RNF103: variants seen among roughly 807,000 people sequenced by gnomAD.
RNF103 encodes the protein ring finger protein 103.
A neutral mutation model predicts 66.2 loss-of-function variants in RNF103; 23 were observed. That is an observed-to-expected ratio of 0.35 (90% CI 0.25 to 0.49). The LOEUF is 0.49. RNF103 is among the 20% of genes least tolerant of loss of function. RNF103 has a pLI of 0.98. For synonymous variants in RNF103, 297 were observed against 289.9 expected, an observed-to-expected ratio of 1.02 and a Z score of -0.25; for missense variants, 730 against 814.7, an observed-to-expected ratio of 0.90 and a Z score of 1.27.
chr2:86,603,866 A>C lies in RNF103; in HGVS notation c.2035T>G (p.Leu679Val). ...GGTTAAGATGGGACATCATTTGACA[A>C]GGGCTGGTGTTGTGCATATGGCTGC... ...KKQPYAQHQP[L>V]SNDVPS is the part of the protein sequence containing the mutation. Residue 679 changes from leucine to valine, a missense_variant, in exon 4 of 4, where the codon TTG becomes GTG. Transcript: ENST00000237455. The C allele has an allele frequency of 6.2e-7, 1 of 1,612,244 alleles. No individual in the cohort carries two copies. Among genetic ancestry groups the C allele is most frequent in the Non-Finnish European group, 8.5e-7 (1 of 1,179,420 alleles).
intron 3 of RNF103, among the ~76,000 whole-genome samples, chr2:86,610,574 C>T (rs58860972): frequency 0.12 from 17,628 of 152,092 alleles, 2,567 homozygotes; most frequent in African/African-American, 0.34. Flanking sequence ...TTAATTAATG[C>T]ATTCAACTTT....
intron 3 of RNF103, among the ~76,000 whole-genome samples, chr2:86,605,870 A>G (rs1678526480): frequency 6.6e-6 from 1 of 152,202 alleles, no homozygotes; most frequent in Non-Finnish European, 1.5e-5. Flanking sequence ...TAGGAATTGA[A>G]CTAGGTCTTG....
At chr2:86,613,854 C>T (rs1678902857) in intron 2 of RNF103, 1 of 152,156 alleles carries the variant, frequency 6.6e-6, no homozygotes, top group Admixed American at 6.5e-5. Flanking sequence ...CACGTGCATA[C>T]ATAACATCTT....
At chr2:86,617,027 G>A (rs1462115566) in intron 2 of RNF103, 89 of 985,228 alleles carry the variant, frequency 9.0e-5, no homozygotes, top group Non-Finnish European at 1.1e-4. Context: ...TATGAGCTTG[G>A]GTTAGGGACA....
rs1271029313 is a variant in RNF103 at position 86,623,744 on chromosome 2, G to A, written c.-858C>T. 2 of 1,272,948 alleles carry A rather than the reference G, an allele frequency of 1.6e-6. No homozygotes were observed. Among genetic ancestry groups the A allele is most frequent in the African/African-American group, 1.6e-5 (1 of 63,044 alleles). 78.9% of individuals were successfully genotyped at this position (1,272,948 alleles called of 1,614,324 possible). A position where few individuals can be genotyped will look rare whatever the true frequency, so the allele number is the denominator to read the frequency against. ...CTCCCGGCCACTCAGCGCCCGTCCC[G>A]CTCGGATGGGCAGTGCCGGTCGCAG... On this transcript the variant is annotated 5_prime_UTR_variant, in exon 1 of 4. Coordinates refer to ENST00000237455, the MANE Select transcript of RNF103 (RefSeq NM_005667.4).
At chr2:86,609,685 C>T (rs1678713079) in intron 3 of RNF103, among the ~76,000 whole-genome samples, 1 of 152,060 alleles carries the variant, frequency 6.6e-6, no homozygotes, top group African/African-American at 2.4e-5. Flanking sequence ...CACTCAGCCT[C>T]AGGTATTCTT....
At chr2:86,605,612 T>C (rs1678517744) in intron 3 of RNF103, among the ~76,000 whole-genome samples, 194 bp from the exon 4 acceptor site, 2 of 152,328 alleles carry the variant, frequency 1.3e-5, no homozygotes, top group South Asian at 2.1e-4. Context: ...GTTTCTTTTT[T>C]TTTTATTAAA....
Position 86,604,193 on chromosome 2 carries a change from G to A in RNF103, c.1708C>T (p.His570Tyr). The change falls in exon 4 of 4, where the codon CAC becomes TAC. Residue 570 changes from histidine to tyrosine, a missense_variant. Around this residue, in one of 3 missense-constraint regions of RNF103, gnomAD observed 355 missense variants for 351.9 expected, o/e 1.01. Transcript: ENST00000237455. ...VLHNSPGTASHCDAEACSCAN... is the reference protein window; with the variant it reads ...VLHNSPGTASYCDAEACSCAN... ...CATGAACAAGCCTCAGCATCACAGT[G>A]ACTTGCTGTTCCTGGAGAATTGTGA... 6.2e-7 allele frequency: 1 copy of A among 1,613,904 alleles called. No individual in the cohort carries two copies. The highest frequency in any genetic ancestry group is 1.1e-5 in the South Asian group (1 of 91,082).
chr2:86,612,404 T>A (rs1312010191), intron 2 of RNF103, 130 bp from the exon 3 acceptor site: 2 of 596,166 alleles, frequency 3.4e-6, no homozygotes, highest in Non-Finnish European at 3.0e-6. Flanking sequence ...TACTGTATCA[T>A]CACATTATCA....
At chr2:86,621,658 C>T (rs758396723) in intron 1 of RNF103, among the ~76,000 whole-genome samples, 7 of 151,882 alleles carry the variant, frequency 4.6e-5, no homozygotes, top group Non-Finnish European at 5.9e-5. Flanking sequence ...GTCTATCACG[C>T]TACATGTCTA....
rs373908022 is a variant in RNF103 at position 86,620,515 on chromosome 2, A to G, written c.227-46T>C. ...ACACTAATAAGGTTGCAAGAATCCTAGATTCCCAATTTCAGTAATTCTATT... is the reference window on the plus strand; with the variant it reads ...ACACTAATAAGGTTGCAAGAATCCTGGATTCCCAATTTCAGTAATTCTATT... On this transcript the variant is annotated intron_variant, in intron 1 of 3. Coordinates refer to ENST00000237455, the MANE Select transcript of RNF103 (RefSeq NM_005667.4). The G allele has an allele frequency of 3.8e-5, 56 of 1,476,486 alleles. 1 individual carries two copies. In the Middle Eastern group the frequency reaches 5.5e-4, roughly 14 times the overall value. 91.5% of individuals were successfully genotyped at this position (1,476,486 alleles called of 1,614,324 possible). A position where few individuals can be genotyped will look rare whatever the true frequency, so the allele number is the denominator to read the frequency against.
intron 3 of RNF103, among the ~76,000 whole-genome samples, chr2:86,606,412 C>A (rs1194973044): frequency 1.3e-5 from 2 of 151,982 alleles, no homozygotes; most frequent in Non-Finnish European, 2.9e-5. Flanking sequence ...CACCTGTAAT[C>A]CCAGCACTTT....
intron 3 of RNF103, among the ~76,000 whole-genome samples, chr2:86,605,860 T>C (rs1678526216): frequency 6.6e-6 from 1 of 152,196 alleles, no homozygotes; most frequent in South Asian, 2.1e-4. Flanking sequence ...ATGAATGGTT[T>C]AGGAATTGAA....
intron 2 of RNF103, chr2:86,615,074 A>C (rs1204049193): frequency 1.0e-6 from 1 of 985,282 alleles, no homozygotes; most frequent in African/African-American, 1.7e-5. Context: ...GAAAAGAAGG[A>C]GGAATGAGAG....
At chr2:86,612,036 T>G (rs1678815413) in intron 3 of RNF103, 123 bp downstream of exon 3, 2 of 567,808 alleles carry the variant, frequency 3.5e-6, no homozygotes, top group Non-Finnish European at 6.2e-6. Flanking sequence ...CCTATGTAAC[T>G]AAGAGTGTGC....
At chr2:86,620,602 A>G in intron 1 of RNF103, 133 bp from the exon 2 acceptor site, 1 of 1,226,154 alleles carries the variant, frequency 8.2e-7, no homozygotes, top group Non-Finnish European at 1.1e-6. Flanking sequence ...AAGAACTACT[A>G]GAAGAACCTG....
intron 3 of RNF103, among the ~76,000 whole-genome samples, chr2:86,611,179 C>CAAA (rs397978650): frequency 7.6e-6 from 1 of 131,470 alleles, no homozygotes; most frequent in African/African-American, 2.7e-5. Flanking sequence ...AATCCTGTCT[C>CAAA]AAAAAAAAAA....
Position 86,603,681 on chromosome 2 carries a change from C to T in RNF103, c.*162G>A, listed in dbSNP as rs764350924. On this transcript the variant is annotated 3_prime_UTR_variant, in exon 4 of 4. Transcript: ENST00000237455. Reference sequence around the variant, plus strand: ...ATTAGGTATGCATTCAATTAACACACAAGGCAACCAAATAAATTCTGTCAT... The same window carrying T: ...ATTAGGTATGCATTCAATTAACACATAAGGCAACCAAATAAATTCTGTCAT... The T allele has an allele frequency of 3.0e-4, 316 of 1,060,112 alleles. No homozygotes were observed. The highest frequency in any genetic ancestry group is 3.9e-4 in the Non-Finnish European group (300 of 764,510). 65.7% of individuals were successfully genotyped at this position (1,060,112 alleles called of 1,614,324 possible).
intron 2 of RNF103, chr2:86,615,315 T>G (rs1272787976): frequency 1.3e-6 from 1 of 750,366 alleles, no homozygotes; most frequent in Admixed American, 6.3e-5. Context: ...TATTACTTTA[T>G]AGTTATATTT....
Sources: gnomAD v4.1 joint callset for allele counts (sites outside exome capture counted in the v4.1 genomes callset) on GRCh38, gnomAD v4.1.1 for gene constraint, gnomAD v4.1.1 regional missense constraint, MANE v1.5 for transcripts, NCBI Gene and HGNC (gene_info 2026-07-23, HGNC 2026-07-21) for gene names.